The following DOCK8 variants were observed in gnomAD, a reference collection of about 807,000 sequenced individuals.
The protein encoded by DOCK8 is dedicator of cytokinesis protein 8.
A neutral mutation model predicts 245.6 loss-of-function variants in DOCK8; 141 were observed. That is an observed-to-expected ratio of 0.57 (90% CI 0.50 to 0.66). DOCK8 has a LOEUF of 0.66. Ranked by LOEUF, DOCK8 falls within the 30% of genes least tolerant of loss-of-function variation. DOCK8 has a pLI of 0.00. For synonymous variants in DOCK8, 1,168 were observed against 970.2 expected (o/e 1.20, Z -3.79); for missense variants, 2,965 against 2,603.4 (o/e 1.14, Z -3.02).
chr9:407,534 G>C (rs1479724794), intron 28 of DOCK8, among the ~76,000 whole-genome samples: 2 of 152,202 alleles, frequency 1.3e-5, no homozygotes, highest in Non-Finnish European at 2.9e-5. Flanking sequence ...CTCAGGCCAA[G>C]AGACACCACA....
chr9:280,240 C>A (rs2048520418), intron 2 of DOCK8, among the ~76,000 whole-genome samples: 1 of 151,962 alleles, frequency 6.6e-6, no homozygotes, highest in Admixed American at 6.6e-5. Context: ...GACCAGAAGT[C>A]TGAAAAAAAC....
At chr9:463,992 G>A (rs1331042506) in intron 47 of DOCK8, among the ~76,000 whole-genome samples, 167 bp from the exon 48 acceptor site, 2 of 152,312 alleles carry the variant, frequency 1.3e-5, no homozygotes, top group East Asian at 3.9e-4. Flanking sequence ...TTTTGGCACA[G>A]TGTGAAGGGG....
intron 1 of DOCK8, among the ~76,000 whole-genome samples, chr9:239,047 G>A (rs985209111): frequency 6.6e-6 from 1 of 152,128 alleles, no homozygotes; most frequent in Non-Finnish European, 1.5e-5. Flanking sequence ...GCCCACATGG[G>A]GGAACATGCA....
chr9:247,598 A>G (rs961779263), intron 1 of DOCK8, among the ~76,000 whole-genome samples: 1 of 152,076 alleles, frequency 6.6e-6, no homozygotes, highest in Non-Finnish European at 1.5e-5. Flanking sequence ...CAGTGACGTG[A>G]TCTCGGCTCA....
chr9:340,623 A>AAAAAAAAG (rs1171637229), intron 14 of DOCK8: 4 of 228,056 alleles, frequency 1.8e-5, no homozygotes, highest in African/African-American at 9.1e-5. Context: ...TCTGTCTCAA[A>AAAAAAAAG]AAAAAAAGAA....
chr9:342,884 G>C (rs2051679149), intron 14 of DOCK8, among the ~76,000 whole-genome samples: 1 of 152,134 alleles, frequency 6.6e-6, no homozygotes. Flanking sequence ...CAAACACTAT[G>C]AAGTAAGATT....
At chr9:415,888 T>C (rs2055981584) in intron 29 of DOCK8, among the ~76,000 whole-genome samples, 1 of 152,142 alleles carries the variant, frequency 6.6e-6, no homozygotes, top group Non-Finnish European at 1.5e-5. Flanking sequence ...TTTTCCCACC[T>C]CCTCCAAATG....
At chr9:421,263 C>T (rs1008060943) in intron 32 of DOCK8, among the ~76,000 whole-genome samples, 185 bp downstream of exon 32, 2 of 152,200 alleles carry the variant, frequency 1.3e-5, no homozygotes, top group African/African-American at 2.4e-5. Flanking sequence ...TGAGGGAAAG[C>T]GCTGTTCTAC....
chr9:370,270 A>T lies in DOCK8; in HGVS notation c.1838A>T (p.Glu613Val). The part of the protein sequence containing the change: ...GKSSGPEFLQ[E>V]VYTAVTYHNK... ...TCCAGCGGGCCTGAATTTCTGCAGG[A>T]AGTGTACACAGCTGTTACATACCAT... Residue 613 changes from glutamate to valine, a missense_variant, in exon 16 of 48, where the codon GAA becomes GTA. Transcript: ENST00000432829. 6.2e-7 allele frequency: 1 copy of T among 1,614,126 alleles called. No homozygotes were observed. The highest frequency in any genetic ancestry group is 8.5e-7 in the Non-Finnish European group (1 of 1,179,942).
chr9:461,527 A>ATTTTT lies in DOCK8; in HGVS notation c.6069-1965_6069-1961dup, dbSNP rs530827485. 1.1e-3 allele frequency among the ~76,000 whole-genome samples: 74 copies of ATTTTT among 67,286 alleles called. 13 individuals carry two copies. The highest frequency in any genetic ancestry group is 3.8e-3 in the African/African-American group (55 of 14,470). 44.1% of individuals were successfully genotyped at this position (67,286 alleles called of 152,430 possible). A position where few individuals can be genotyped will look rare whatever the true frequency, so the allele number is the denominator to read the frequency against. ...GAGTTTTTTGTCTTTTAGCAACTGC[A>ATTTTT]TTTTTTTTTTTTTTTTTTTTTTTTT... On this transcript the variant is annotated intron_variant, in intron 46 of 47. Coordinates refer to ENST00000432829, the MANE Select transcript of DOCK8 (RefSeq NM_203447.4).
rs114041464 is a variant in DOCK8, at chr9:282,082, A to T, written c.157-4379A>T. ...CATTGCCACACAGTGCTTAATGATG[A>T]TATATGTTCTTTATCAAATTCCCCC... On this transcript the variant is annotated intron_variant, in intron 2 of 47. Coordinates refer to ENST00000432829, the MANE Select transcript of DOCK8 (RefSeq NM_203447.4). Among the ~76,000 whole-genome samples the T allele has an allele frequency of 3.7e-4, 56 of 152,288 alleles. No individual in the cohort carries two copies. In the South Asian group the frequency reaches 0.011, roughly 30 times the overall value.
rs375220465 is a variant in DOCK8, at chr9:324,683, G to T, written c.828-988G>T. On this transcript the variant is annotated intron_variant, in intron 7 of 47. Coordinates refer to ENST00000432829, the MANE Select transcript of DOCK8 (RefSeq NM_203447.4). ...AACTCCCCAGTAATGGAGTTAGGAA[G>T]GGCCAGACATTCATCCCCATCAAAA... Among the ~76,000 whole-genome samples, 3 of 152,286 alleles carry T rather than the reference G, an allele frequency of 2.0e-5. 1 individual carries two copies.
chr9:311,835 G>C, intron 5 of DOCK8, 119 bp from the exon 6 acceptor site: 2 of 1,244,330 alleles, frequency 1.6e-6, no homozygotes, highest in Admixed American at 3.4e-5. Context: ...CAGAAGACTT[G>C]AGGCCTGGCT....
chr9:241,464 G>C (rs1458542737), intron 1 of DOCK8, among the ~76,000 whole-genome samples: 2 of 152,150 alleles, frequency 1.3e-5, no homozygotes, highest in Non-Finnish European at 2.9e-5. Context: ...TTCTGCATGT[G>C]AGTGAGAATG....
intron 26 of DOCK8, among the ~76,000 whole-genome samples, chr9:404,456 T>C (rs2055319195): frequency 6.6e-6 from 1 of 152,202 alleles, no homozygotes; most frequent in Non-Finnish European, 1.5e-5. Context: ...AACTTTCCAA[T>C]GGGGCCTTTA....
In DOCK8 at chr9:298,655, C is replaced by CAG. The variant is rs146339791; in HGVS notation, c.405-5910_405-5909dup. 1.3e-4 allele frequency among the ~76,000 whole-genome samples: 14 copies of CAG among 109,080 alleles called. No individual in the cohort carries two copies. The East Asian group carries it at 2.0e-3, about 16-fold the overall frequency. The allele number at this position is 109,080 out of a possible 152,430, so 71.6% of individuals were successfully genotyped here. A position where few individuals can be genotyped will look rare whatever the true frequency, so the allele number is the denominator to read the frequency against. On this transcript the variant is annotated intron_variant, in intron 4 of 47. Coordinates refer to ENST00000432829, the MANE Select transcript of DOCK8 (RefSeq NM_203447.4). ...TGTGTGTGTGTGTGTGTGTGTGTGT[C>CAG]AGAGAGAGAGAGAGAGATGTTCCTT...
rs560225950 is a variant in DOCK8 at position 360,217 on chromosome 9, G to A, written c.1680-7801G>A. Among the ~76,000 whole-genome samples, 7 of 151,950 alleles carry A rather than the reference G, an allele frequency of 4.6e-5. No individual in the cohort carries two copies. In the East Asian group the frequency reaches 7.8e-4, roughly 17 times the overall value. On this transcript the variant is annotated intron_variant, in intron 14 of 47. Transcript: ENST00000432829. ...TGTAGTCCCAGCTACTCAGGAGGCC[G>A]AGGCAGGAGAATTGCTTGATCTTGG... is the stretch of plus-strand genomic sequence containing the variant.
chr9:254,406 A>G (rs1587669611), intron 1 of DOCK8, among the ~76,000 whole-genome samples: 1 of 152,184 alleles, frequency 6.6e-6, no homozygotes, highest in Non-Finnish European at 1.5e-5. Context: ...AGCGTACCCT[A>G]TAATTATTCA....
chr9:233,319 A>G (rs1248332665), intron 1 of DOCK8, among the ~76,000 whole-genome samples: 3 of 152,110 alleles, frequency 2.0e-5, no homozygotes. Flanking sequence ...ACTGCCAACT[A>G]TGTGGTCAAT....
Sources: allele counts gnomAD v4.1 joint callset (sites outside exome capture counted in the v4.1 genomes callset), GRCh38; gene constraint gnomAD v4.1.1; transcripts MANE v1.5; gene names NCBI Gene and HGNC (gene_info 2026-07-23, HGNC 2026-07-21).